Variants in COG6 observed in about 807,000 individuals in gnomAD.
COG6 encodes the protein component of oligomeric golgi complex 6, also known as conserved oligomeric Golgi complex subunit 6.
Under a neutral mutation model 88.8 loss-of-function variants are expected in COG6, and 74 were observed. The ratio of observed to expected loss-of-function variants is 0.83; its 90% CI spans 0.69 to 1.01. COG6 has a LOEUF of 1.01. Among genes scored for constraint, COG6 ranks in the 50% least tolerant of loss-of-function variants. The probability of loss-of-function intolerance (pLI) is 0.00; values close to 1 mark genes in which losing one functional copy is unlikely to be tolerated. For synonymous variants in COG6, 286 were observed against 278.7 expected, an observed-to-expected ratio of 1.03 and a Z score of -0.26; for missense variants, 800 against 797.9, an observed-to-expected ratio of 1.00 and a Z score of -0.03.
chr13:39,788,195 C>T (rs1461020768), intron 18 of COG6: 3 of 854,212 alleles, frequency 3.5e-6, no homozygotes, highest in South Asian at 2.9e-5. Context: ...ACACGTACTC[C>T]ACCACATGGT....
intron 13 of COG6, among the ~76,000 whole-genome samples, chr13:39,709,643 A>G (rs1878130280): frequency 6.6e-6 from 1 of 152,068 alleles, no homozygotes; most frequent in Non-Finnish European, 1.5e-5. Flanking sequence ...ATAGTATTCC[A>G]TGGTGTGAGT....
Position 39,736,972 on chromosome 13 carries a change from C to T in COG6, c.1826+9424C>T, listed in dbSNP as rs569563271. ...TACCTGTCCTTCTTATGAAGGCTTT[C>T]CAAGTATTCAAGGGGACTTGTGAAT... is the stretch of plus-strand genomic sequence containing the variant. On this transcript the variant is annotated intron_variant, in intron 18 of 18. Transcript: ENST00000455146. Among the ~76,000 whole-genome samples, 6 of 152,226 alleles carry T rather than the reference C, an allele frequency of 3.9e-5. No homozygotes were observed. The South Asian group carries it at 1.2e-3, about 32-fold the overall frequency.
chr13:39,668,092 T>G (rs2137962409), intron 4 of COG6, among the ~76,000 whole-genome samples: 1 of 152,268 alleles, frequency 6.6e-6, no homozygotes, highest in Admixed American at 6.5e-5. Flanking sequence ...TCCTTTCTGG[T>G]CTTTTACATT....
chr13:39,738,754 T>A (rs1021925500), intron 18 of COG6, among the ~76,000 whole-genome samples: 1 of 152,124 alleles, frequency 6.6e-6, no homozygotes, highest in Non-Finnish European at 1.5e-5. Context: ...TATATTACTA[T>A]AAGAAAAATT....
At chr13:39,732,866 C>T (rs916776603) in intron 18 of COG6, among the ~76,000 whole-genome samples, 1 of 151,906 alleles carries the variant, frequency 6.6e-6, no homozygotes, top group Admixed American at 6.6e-5. Context: ...CAAATAGGAA[C>T]CCTCAGACCC....
At chr13:39,697,725 C>G (rs1877355114) in intron 12 of COG6, among the ~76,000 whole-genome samples, 1 of 151,962 alleles carries the variant, frequency 6.6e-6, no homozygotes, top group Non-Finnish European at 1.5e-5. Flanking sequence ...TTTAGGCCTA[C>G]TGCAAGCTGC....
At chr13:39,700,651 G>A (rs945666335) in intron 13 of COG6, among the ~76,000 whole-genome samples, 8 of 151,806 alleles carry the variant, frequency 5.3e-5, no homozygotes, top group Admixed American at 3.3e-4. Context: ...GCTAGCTGTT[G>A]AGAGTACAAG....
intron 8 of COG6, among the ~76,000 whole-genome samples, chr13:39,682,905 G>C (rs560042284): frequency 6.6e-5 from 10 of 152,082 alleles, no homozygotes; most frequent in Admixed American, 2.0e-4. Context: ...GGTAGATGTA[G>C]GGGTTGATGA....
intron 18 of COG6, among the ~76,000 whole-genome samples, chr13:39,760,196 A>G (rs1192323428): frequency 6.6e-6 from 1 of 152,158 alleles, no homozygotes. Flanking sequence ...TGGGGGTATC[A>G]TTTATATAAG....
At chr13:39,770,369 A>C (rs999579800) in intron 18 of COG6, among the ~76,000 whole-genome samples, 1 of 152,250 alleles carries the variant, frequency 6.6e-6, no homozygotes, top group African/African-American at 2.4e-5. Flanking sequence ...CACAAAGCGC[A>C]TTCATGTATG....
intron 13 of COG6, among the ~76,000 whole-genome samples, chr13:39,710,338 C>T (rs1878170078): frequency 1.3e-5 from 2 of 152,104 alleles, no homozygotes; most frequent in Non-Finnish European, 2.9e-5. Context: ...TCTGTTTCCA[C>T]ATACCTTTAA....
rs541404012 is a variant in COG6, at chr13:39,700,777, G to A, written c.1284+1159G>A. 4.0e-4 allele frequency among the ~76,000 whole-genome samples: 61 copies of A among 151,926 alleles called. 1 individual carries two copies. The South Asian group carries it at 0.011, about 28-fold the overall frequency. On this transcript the variant is annotated intron_variant, in intron 13 of 18. Coordinates refer to ENST00000455146, the MANE Select transcript of COG6 (RefSeq NM_020751.3). ...GATTTATGAAAGACATGTGCCTAGG[G>A]TATATGCTAGCACCAAAGGAGGAGT...
At position 39,752,524 on chromosome 13, in the gene COG6, C is replaced by A. The variant is rs924660088; in HGVS notation, c.*1431C>A. The A allele has an allele frequency of 4.2e-6, 5 of 1,202,450 alleles. No homozygotes were observed. In the African/African-American group the frequency reaches 7.9e-5, roughly 19 times the overall value. 74.5% of individuals were successfully genotyped at this position (1,202,450 alleles called of 1,614,324 possible). On this transcript the variant is annotated 3_prime_UTR_variant, in exon 19 of 19. Coordinates refer to ENST00000455146, the MANE Select transcript of COG6 (RefSeq NM_020751.3). ...TTAAATTGTATATAATTTATTTCTACAGAGAAAGAAGATTGATACCTTGCT... is the reference window on the plus strand; with the variant it reads ...TTAAATTGTATATAATTTATTTCTAAAGAGAAAGAAGATTGATACCTTGCT...
chr13:39,673,195 C>T (rs1875755422), intron 4 of COG6, among the ~76,000 whole-genome samples: 1 of 151,886 alleles, frequency 6.6e-6, no homozygotes. Flanking sequence ...TCTTCACATT[C>T]GTGATATCAT....
intron 1 of COG6, 131 bp from the exon 2 acceptor site, chr13:39,659,233 G>T: frequency 1.2e-6 from 1 of 803,494 alleles, no homozygotes; most frequent in Non-Finnish European, 2.0e-6. Flanking sequence ...TAATTTGAAG[G>T]TCATTCAATA....
At chr13:39,669,954 A>G (rs781691866) in intron 4 of COG6, among the ~76,000 whole-genome samples, 10 of 152,152 alleles carry the variant, frequency 6.6e-5, no homozygotes, top group Admixed American at 2.6e-4. Context: ...TTGTTTTTTC[A>G]TTTTAAAATA....
At chr13:39,662,948 C>T (rs914342592) in intron 3 of COG6, among the ~76,000 whole-genome samples, 2 of 151,804 alleles carry the variant, frequency 1.3e-5, no homozygotes, top group Admixed American at 1.3e-4. Context: ...TATAATGATT[C>T]ATTTAATTAT....
chr13:39,751,448 T>C lies in COG6; in HGVS notation c.*355T>C. 1 of 1,263,338 alleles carries C rather than the reference T, an allele frequency of 7.9e-7. No individual in the cohort carries two copies. The highest frequency in any genetic ancestry group is 1.3e-5 in the South Asian group (1 of 78,524). The allele number at this position is 1,263,338 out of a possible 1,614,324, so 78.3% of individuals were successfully genotyped here. On this transcript the variant is annotated 3_prime_UTR_variant, in exon 19 of 19. Coordinates refer to ENST00000455146, the MANE Select transcript of COG6 (RefSeq NM_020751.3). The stretch of plus-strand genomic sequence containing the variant: ...AAATTAACAGCTTATAAAAAATTTG[T>C]CTAAATTTAATAATTAGTATAAGGA...
chr13:39,752,755 A>C (rs1188203576), downstream of COG6: 3 of 843,166 alleles, frequency 3.6e-6, no homozygotes, highest in South Asian at 2.8e-5. Context: ...AAAGACTCAC[A>C]GGAAAAATGT....
Sources: allele counts gnomAD v4.1 joint callset (sites outside exome capture counted in the v4.1 genomes callset), GRCh38; gene constraint gnomAD v4.1.1; transcripts MANE v1.5; gene names NCBI Gene and HGNC (gene_info 2026-07-23, HGNC 2026-07-21).